Variants in SPICE1 observed in about 807,000 individuals in gnomAD.
SPICE1 encodes spindle and centriole associated protein 1.
In SPICE1, 75 loss-of-function variants were observed where a neutral mutation model predicts 102.7. That is an observed-to-expected ratio of 0.73 (90% CI 0.61 to 0.88). The LOEUF is 0.88. SPICE1 is among the 40% of genes least tolerant of loss of function. SPICE1 has a pLI of 0.00. For synonymous variants in SPICE1, 308 were observed against 350.3 expected, an observed-to-expected ratio of 0.88 and a Z score of 1.35; for missense variants, 979 against 1,020.1, an observed-to-expected ratio of 0.96 and a Z score of 0.55.
At chr3:113,453,434 AT>A (rs1237174481) in intron 14 of SPICE1, 31 bp downstream of exon 14, 1 of 1,545,576 alleles carries the variant, frequency 6.5e-7, no homozygotes, top group Non-Finnish European at 8.7e-7. Flanking sequence ...AAATTCCTAT[AT>A]GTCCCTAATC....
chr3:113,445,795 T>G (rs958882739), intron 17 of SPICE1, among the ~76,000 whole-genome samples: 7 of 152,104 alleles, frequency 4.6e-5, no homozygotes, highest in Non-Finnish European at 7.4e-5. Context: ...TATCTATCAT[T>G]CCCCTATCAT....
chr3:113,466,197 T>G (rs1351130636), intron 10 of SPICE1, among the ~76,000 whole-genome samples: 3 of 152,230 alleles, frequency 2.0e-5, no homozygotes, highest in Non-Finnish European at 4.4e-5. Context: ...ATCTTTGAAT[T>G]TCATAATATG....
intron 6 of SPICE1, among the ~76,000 whole-genome samples, chr3:113,492,971 G>A (rs992547267): frequency 1.4e-4 from 21 of 152,156 alleles, no homozygotes; most frequent in Non-Finnish European, 1.9e-4. Flanking sequence ...GCCAAATGGG[G>A]ATAAAGCAGC....
In SPICE1 at chr3:113,505,313, T is replaced by C. The variant is rs191424112; in HGVS notation, c.99+1194A>G. Among the ~76,000 whole-genome samples the C allele has an allele frequency of 5.5e-3, 785 of 143,204 alleles. 9 individuals carry two copies. The highest frequency in any genetic ancestry group is 0.02 in the African/African-American group (748 of 36,988). The allele number at this position is 143,204 out of a possible 152,430, so 93.9% of individuals were successfully genotyped here. A position where few individuals can be genotyped will look rare whatever the true frequency, so the allele number is the denominator to read the frequency against. On this transcript the variant is annotated intron_variant, in intron 2 of 17. Coordinates refer to ENST00000295872, the MANE Select transcript of SPICE1 (RefSeq NM_144718.4). The stretch of plus-strand genomic sequence containing the variant: ...CTGAAGGGGAAAATATGTTATCACA[T>C]ATTTTTTTTTTCCGATTTATCAGTT...
chr3:113,452,926 C>T (rs894664117), intron 14 of SPICE1, among the ~76,000 whole-genome samples: 2 of 151,920 alleles, frequency 1.3e-5, no homozygotes, highest in Non-Finnish European at 2.9e-5. Flanking sequence ...TGCAGTGAGC[C>T]GAGATCATGC....
intron 7 of SPICE1, among the ~76,000 whole-genome samples, chr3:113,473,636 A>G (rs1297342113): frequency 6.6e-6 from 1 of 152,134 alleles, no homozygotes; most frequent in Non-Finnish European, 1.5e-5. Flanking sequence ...AATATTCAAC[A>G]TTCTTAAAGA....
At chr3:113,447,939 T>G in intron 16 of SPICE1, 99 bp downstream of exon 16, 1 of 1,079,476 alleles carries the variant, frequency 9.3e-7, no homozygotes, top group South Asian at 2.0e-5. Flanking sequence ...TCAACCTAAG[T>G]CAGATACTGT....
At chr3:113,472,781 T>C (rs981977067) in intron 7 of SPICE1, among the ~76,000 whole-genome samples, 1 of 151,872 alleles carries the variant, frequency 6.6e-6, no homozygotes, top group Non-Finnish European at 1.5e-5. Flanking sequence ...CAAAAACCCA[T>C]CTCTACATCA....
chr3:113,502,679 A>C (rs1385828310), intron 3 of SPICE1, among the ~76,000 whole-genome samples: 2 of 150,858 alleles, frequency 1.3e-5, no homozygotes, highest in African/African-American at 2.4e-5. Context: ...AAAAAAAAAA[A>C]AAAAACCTAA....
intron 13 of SPICE1, among the ~76,000 whole-genome samples, chr3:113,455,697 C>T (rs1309073591): frequency 2.0e-5 from 3 of 152,198 alleles, no homozygotes; most frequent in Admixed American, 2.0e-4. Flanking sequence ...CCAAACAATG[C>T]TTGAAAAATA....
intron 7 of SPICE1, among the ~76,000 whole-genome samples, chr3:113,469,954 A>G (rs943683027): frequency 6.6e-6 from 1 of 152,182 alleles, no homozygotes; most frequent in African/African-American, 2.4e-5. Flanking sequence ...AATTGACCAC[A>G]GCATACTCTG....
intron 7 of SPICE1, among the ~76,000 whole-genome samples, chr3:113,478,418 T>A (rs575493547): frequency 5.6e-4 from 85 of 152,028 alleles, no homozygotes; most frequent in Non-Finnish European, 1.0e-3. Context: ...AAGAAAAAAG[T>A]AGAGGTTTCA....
At chr3:113,514,046 T>G (rs921300242) in intron 1 of SPICE1, among the ~76,000 whole-genome samples, 2 of 152,228 alleles carry the variant, frequency 1.3e-5, no homozygotes, top group Non-Finnish European at 1.5e-5. Flanking sequence ...CAAAAATGTT[T>G]GCACTGAGAG....
rs181062542 is a variant in SPICE1 at position 113,469,132 on chromosome 3, G to A, written c.718C>T (p.Pro240Ser). 6.9e-5 allele frequency: 111 copies of A among 1,613,392 alleles called. No homozygotes were observed. The highest frequency in any genetic ancestry group is 3.3e-4 in the Middle Eastern group (2 of 6,060). The stretch of plus-strand genomic sequence containing the variant: ...TCCCCTGATGAAAGAGCAGATGATG[G>A]CGTTCCTGGAGGAGTTATTTGTGAC... ...TQSQITPPGT[P>S]SSALSSGEQR... The change falls in exon 8 of 18, where the codon CCA (proline) becomes TCA (serine). Residue 240 changes from proline (P) to serine (S), a missense_variant. Pro to Ser is a moderately conservative substitution (Grantham distance 74). Transcript: ENST00000295872.
intron 7 of SPICE1, among the ~76,000 whole-genome samples, chr3:113,475,487 A>G (rs1275718287): frequency 6.6e-6 from 1 of 151,994 alleles, no homozygotes; most frequent in African/African-American, 2.4e-5. Context: ...ACCAAAAAAG[A>G]GAATTTTAGA....
chr3:113,450,221 G>A lies in SPICE1; in HGVS notation c.2323+115C>T, dbSNP rs761487807. On this transcript the variant is annotated intron_variant, in intron 15 of 17. Transcript: ENST00000295872. ...GGGCTATTTCTTTCTGTGCAAAATT[G>A]AAGGCACCAAAATATATGCTCTGAT... 6.7e-6 allele frequency: 8 copies of A among 1,187,970 alleles called. No individual in the cohort carries two copies. In the East Asian group the frequency reaches 1.7e-4, roughly 26 times the overall value. The allele number at this position is 1,187,970 out of a possible 1,614,324, so 73.6% of individuals were successfully genotyped here.
intron 6 of SPICE1, among the ~76,000 whole-genome samples, chr3:113,491,791 T>A (rs1002302652): frequency 1.3e-5 from 2 of 152,182 alleles, no homozygotes; most frequent in Non-Finnish European, 2.9e-5. Context: ...GTTTTTCATC[T>A]GCTATCAGCT....
At chr3:113,465,179 G>C (rs1034939987) in intron 11 of SPICE1, among the ~76,000 whole-genome samples, 4 of 152,060 alleles carry the variant, frequency 2.6e-5, no homozygotes, top group Non-Finnish European at 5.9e-5. Context: ...AGAGAATGGT[G>C]TAAGTCTTTT....
At chr3:113,459,456 C>CAAAAAA in intron 12 of SPICE1, 8 of 954,740 alleles carry the variant, frequency 8.4e-6, no homozygotes, top group Non-Finnish European at 9.9e-6. Context: ...CAAAACAAAA[C>CAAAAAA]AAAAAAAAAC....
Sources: allele counts gnomAD v4.1 joint callset (sites outside exome capture counted in the v4.1 genomes callset), GRCh38; gene constraint gnomAD v4.1.1; transcripts MANE v1.5; gene names NCBI Gene and HGNC (gene_info 2026-07-23, HGNC 2026-07-21).